CCDC93: variants seen among roughly 807,000 people sequenced by gnomAD.
CCDC93 encodes CCC complex scaffolding subunit CCDC93.
Under a neutral mutation model 108.2 loss-of-function variants are expected in CCDC93, and 61 were observed. The ratio of observed to expected loss-of-function variants is 0.56; its 90% CI spans 0.46 to 0.70. The LOEUF (loss-of-function observed/expected upper bound fraction) is 0.70. CCDC93 is among the 30% of genes least tolerant of loss of function. CCDC93 has a pLI of 0.00. For synonymous variants in CCDC93, 276 were observed against 260.4 expected (o/e 1.06, Z -0.58); for missense variants, 685 against 764.2 (o/e 0.90, Z 1.22).
At chr2:117,967,738 T>G (rs905136218) in intron 11 of CCDC93, among the ~76,000 whole-genome samples, 3 of 152,178 alleles carry the variant, frequency 2.0e-5, no homozygotes, top group African/African-American at 7.2e-5. Flanking sequence ...AAAATGGATA[T>G]AATATCACGT....
Position 117,916,535 on chromosome 2 carries a change from T to G in CCDC93, c.*3808A>C, listed in dbSNP as rs753187256. On this transcript the variant is annotated 3_prime_UTR_variant, in exon 24 of 24. Coordinates refer to ENST00000376300, the MANE Select transcript of CCDC93 (RefSeq NM_019044.5). Reference sequence around the variant, plus strand: ...TCCTAATAGAGATGCAAAGTTGCAATGTGGAAAAGCCATTTTATCCAACCG... The same window carrying G: ...TCCTAATAGAGATGCAAAGTTGCAAGGTGGAAAAGCCATTTTATCCAACCG... 1 of 152,216 alleles carries G rather than the reference T, an allele frequency of 6.6e-6. No individual in the cohort carries two copies. Among genetic ancestry groups the G allele is most frequent in the Non-Finnish European group, 1.5e-5 (1 of 68,036 alleles). The allele number at this position is 152,216 out of a possible 1,614,324, so 9.4% of individuals were successfully genotyped here.
At chr2:117,990,207 G>T (rs1040517152) in intron 6 of CCDC93, among the ~76,000 whole-genome samples, 2 of 152,212 alleles carry the variant, frequency 1.3e-5, no homozygotes, top group Non-Finnish European at 2.9e-5. Flanking sequence ...CTGTGTCACA[G>T]CACAGTACAT....
chr2:117,921,004 C>T (rs1190119904), intron 23 of CCDC93, among the ~76,000 whole-genome samples: 3 of 133,670 alleles, frequency 2.2e-5, no homozygotes, highest in African/African-American at 8.7e-5. Context: ...TACTACTAAA[C>T]CCCGTCTCTA....
rs531229159 is a variant in CCDC93, at chr2:118,009,922, G to A, written c.43-1264C>T. 3.3e-5 allele frequency among the ~76,000 whole-genome samples: 5 copies of A among 150,282 alleles called. No individual in the cohort carries two copies. In the East Asian group the frequency reaches 9.7e-4, roughly 29 times the overall value. ...TATTTTGCTTTTTTTTTGTTTTTTT[G>A]TTGCTTTTGTTTTTGTTTTTGAGAC... On this transcript the variant is annotated intron_variant, in intron 1 of 23. Coordinates refer to ENST00000376300, the MANE Select transcript of CCDC93 (RefSeq NM_019044.5).
chr2:117,962,911 C>G (rs557935655), intron 11 of CCDC93, among the ~76,000 whole-genome samples: 51 of 152,228 alleles, frequency 3.4e-4, no homozygotes, highest in African/African-American at 1.2e-3. Context: ...GGGAAAAAAT[C>G]CACAATGAGA....
In CCDC93 at chr2:117,919,247, G is replaced by A. The variant is rs1176851149; in HGVS notation, c.*1096C>T. 2.6e-5 allele frequency: 4 copies of A among 152,214 alleles called. No homozygotes were observed. The highest frequency in any genetic ancestry group is 5.9e-5 in the Non-Finnish European group (4 of 68,104). 9.4% of individuals were successfully genotyped at this position (152,214 alleles called of 1,614,324 possible). A position where few individuals can be genotyped will look rare whatever the true frequency, so the allele number is the denominator to read the frequency against. ...AGACGGGTCTCTGAAGCCTCCTGCA[G>A]AGACTAGCTTATTCCCTCCTTTCCC... is the stretch of plus-strand genomic sequence containing the variant. On this transcript the variant is annotated 3_prime_UTR_variant, in exon 24 of 24. Transcript: ENST00000376300.
chr2:117,945,280 AAAC>A (rs1456311038), intron 17 of CCDC93, among the ~76,000 whole-genome samples: 16 of 152,328 alleles, frequency 1.1e-4, no homozygotes, highest in Admixed American at 8.5e-4. Context: ...GCCAGCATGA[AAAC>A]AACATGCTTG....
chr2:117,921,037 C>T (rs954218747), intron 23 of CCDC93, among the ~76,000 whole-genome samples: 68 of 146,904 alleles, frequency 4.6e-4, no homozygotes, highest in Non-Finnish European at 4.8e-4. Flanking sequence ...ATTAGCCAGG[C>T]GTGGTGGCAG....
chr2:117,993,214 G>A (rs1383905601), intron 6 of CCDC93, among the ~76,000 whole-genome samples: 2 of 152,058 alleles, frequency 1.3e-5, no homozygotes, highest in African/African-American at 4.8e-5. Flanking sequence ...GGCTAACACG[G>A]TGAAACCCCA....
At chr2:117,923,671 T>G (rs891447207) in intron 23 of CCDC93, among the ~76,000 whole-genome samples, 1 of 107,840 alleles carries the variant, frequency 9.3e-6, no homozygotes, top group Non-Finnish European at 1.9e-5. Flanking sequence ...CCTGCCTGCC[T>G]GCCTGCCTGC....
At chr2:117,979,803 A>G (rs765260991) in intron 7 of CCDC93, among the ~76,000 whole-genome samples, 3 of 152,146 alleles carry the variant, frequency 2.0e-5, no homozygotes, top group Non-Finnish European at 4.4e-5. Context: ...CTTAATATCT[A>G]TTGCATCTTC....
chr2:117,952,550 A>G, intron 12 of CCDC93, 115 bp from the exon 13 acceptor site: 1 of 768,332 alleles, frequency 1.3e-6, no homozygotes, highest in South Asian at 1.6e-5. Flanking sequence ...AGCAAATGTG[A>G]AAATTTTAAA....
intron 23 of CCDC93, chr2:117,921,849 T>A (rs1448296880): frequency 1.3e-5 from 2 of 151,868 alleles, no homozygotes; most frequent in African/African-American, 4.8e-5. Context: ...TAAGGCTGAA[T>A]ACTTTGAGGC....
chr2:118,000,149 G>C (rs1680798492), intron 4 of CCDC93: 1 of 152,240 alleles, frequency 6.6e-6, no homozygotes, highest in Non-Finnish European at 1.5e-5. Flanking sequence ...TGCAGCTTAA[G>C]AGTCTAATGA....
intron 7 of CCDC93, among the ~76,000 whole-genome samples, chr2:117,982,792 A>T (rs1488853410): frequency 6.6e-6 from 1 of 151,750 alleles, no homozygotes; most frequent in Non-Finnish European, 1.5e-5. Context: ...GGAATGCCGC[A>T]ATGTTAAAGG....
intron 13 of CCDC93, chr2:117,950,177 A>G: frequency 6.1e-6 from 6 of 985,388 alleles, no homozygotes; most frequent in Non-Finnish European, 7.2e-6. Context: ...ATGGATCCAC[A>G]GAGGTGGTAA....
At chr2:117,979,465 C>T (rs1680043798) in intron 7 of CCDC93, among the ~76,000 whole-genome samples, 1 of 152,250 alleles carries the variant, frequency 6.6e-6, no homozygotes, top group African/African-American at 2.4e-5. Context: ...GCTCCTCTCA[C>T]TTCCCAGATG....
intron 12 of CCDC93, among the ~76,000 whole-genome samples, chr2:117,953,172 A>C (rs1241195116): frequency 6.6e-6 from 1 of 152,250 alleles, no homozygotes; most frequent in Non-Finnish European, 1.5e-5. Flanking sequence ...ACTGGGTTCA[A>C]GTTAACAATG....
At chr2:117,972,164 T>C (rs1679785233) in intron 11 of CCDC93, among the ~76,000 whole-genome samples, 1 of 152,178 alleles carries the variant, frequency 6.6e-6, no homozygotes, top group Admixed American at 6.5e-5. Context: ...AATCCACATG[T>C]AAGTGGACCC....
Sources: allele counts gnomAD v4.1 joint callset (sites outside exome capture counted in the v4.1 genomes callset), GRCh38; gene constraint gnomAD v4.1.1; transcripts MANE v1.5; gene names NCBI Gene and HGNC (gene_info 2026-07-23, HGNC 2026-07-21).